PCNX2: variants seen among roughly 807,000 people sequenced by gnomAD.
PCNX2 encodes the protein pecanex-like protein 2.
Under a neutral mutation model 223.8 loss-of-function variants are expected in PCNX2, and 168 were observed. The ratio of observed to expected loss-of-function variants is 0.75; its 90% CI spans 0.66 to 0.85. PCNX2 has a LOEUF of 0.85. Ranked by LOEUF, PCNX2 falls within the 40% of genes least tolerant of loss-of-function variation. PCNX2 has a pLI of 0.00. For synonymous variants in PCNX2, 1,006 were observed against 1,052.6 expected (o/e 0.96, Z 0.86); for missense variants, 2,507 against 2,675.5 (o/e 0.94, Z 1.39).
intron 25 of PCNX2, among the ~76,000 whole-genome samples, chr1:233,038,460 C>G (rs1005526421): frequency 6.6e-6 from 1 of 152,126 alleles, no homozygotes; most frequent in African/African-American, 2.4e-5. Context: ...TATGCAGATC[C>G]TGTTCACGTT....
intron 19 of PCNX2, among the ~76,000 whole-genome samples, chr1:233,144,337 TCAGTCAGGTAACTTTTTAAGTTTACTC>T (rs1370282144): frequency 6.6e-6 from 1 of 152,174 alleles, no homozygotes; most frequent in South Asian, 2.1e-4. Context: ...TAAGTTTACT[TCAGTCAGGTAACTTTTTAAGTTTACTC>T]CAGTCATCAA....
chr1:233,021,107 C>G (rs904245683), intron 26 of PCNX2, among the ~76,000 whole-genome samples: 1 of 152,108 alleles, frequency 6.6e-6, no homozygotes, highest in Non-Finnish European at 1.5e-5. Context: ...CCTGAAATTT[C>G]CCTTAACTAG....
rs752241882 is a variant in PCNX2, at chr1:233,208,640, A to G, written c.2741T>C (p.Leu914Pro). Residue 914 changes from leucine (L) to proline (P), a missense_variant, in exon 13 of 34, where the codon CTG (leucine) becomes CCG (proline). Coordinates refer to ENST00000258229, the MANE Select transcript of PCNX2 (RefSeq NM_014801.4). ...ATCAAGAAGCAAAATAAGGCCACAC[A>G]GCACACAAAAATAGATTGGTCTGCT... ...TYSRPIYFCV[L>P]CGLILLLDTG... The G allele has an allele frequency of 6.2e-7, 1 of 1,613,832 alleles. No homozygotes were observed.
chr1:233,014,317 A>C (rs975072263), intron 28 of PCNX2, among the ~76,000 whole-genome samples: 40 of 152,148 alleles, frequency 2.6e-4, no homozygotes, highest in African/African-American at 8.9e-4. Context: ...GGGACCTAAC[A>C]CTGAGCAGCA....
chr1:233,322,431 G>A, the PCNX2 span, among the ~76,000 whole-genome samples: 4 of 152,094 alleles, frequency 2.6e-5, no homozygotes, highest in African/African-American at 7.2e-5. Flanking sequence ...GGATAATCAA[G>A]CACAAGACAG....
chr1:233,268,370 G>A lies in PCNX2; in HGVS notation c.154-5207C>T, dbSNP rs1660457992. Among the ~76,000 whole-genome samples, 4 of 152,288 alleles carry A rather than the reference G, an allele frequency of 2.6e-5. No homozygotes were observed. In the South Asian group the frequency reaches 6.2e-4, roughly 24 times the overall value. ...CTGGCTGAGTGAGGATTAGCTATAA[G>A]TAATGCCCATGCCCAGTGAGAATCA... On this transcript the variant is annotated intron_variant, in intron 1 of 33. Transcript: ENST00000258229.
At chr1:233,122,745 A>C (rs1675876522) in intron 21 of PCNX2, among the ~76,000 whole-genome samples, 1 of 151,070 alleles carries the variant, frequency 6.6e-6, no homozygotes, top group South Asian at 2.1e-4. Context: ...CCGGTCTTGA[A>C]CTCCTGACCT....
chr1:233,036,424 G>A (rs2102851403), intron 25 of PCNX2, among the ~76,000 whole-genome samples: 1 of 152,284 alleles, frequency 6.6e-6, no homozygotes, highest in Non-Finnish European at 1.5e-5. Context: ...GAGGTCAGGA[G>A]TTCAAGACCA....
chr1:233,070,087 C>T (rs1672786796), intron 23 of PCNX2, among the ~76,000 whole-genome samples: 1 of 152,116 alleles, frequency 6.6e-6, no homozygotes, highest in Non-Finnish European at 1.5e-5. Context: ...AATAATTTTA[C>T]ATGCATGAAT....
At chr1:233,227,576 C>T (rs1402853123) in intron 9 of PCNX2, among the ~76,000 whole-genome samples, 1 of 152,060 alleles carries the variant, frequency 6.6e-6, no homozygotes, top group African/African-American at 2.4e-5. Flanking sequence ...TAATGATCAA[C>T]AAAAAGCGCT....
At chr1:233,085,416 T>C (rs114707486) in intron 23 of PCNX2, among the ~76,000 whole-genome samples, 1,626 of 151,976 alleles carry the variant, frequency 0.011, 19 homozygotes, top group African/African-American at 0.037. Flanking sequence ...AAGTTCAGAA[T>C]TGAAGGTATA....
At chr1:233,297,240 G>A (rs1662175512), upstream of PCNX2, among the ~76,000 whole-genome samples, 2 of 152,320 alleles carry the variant, frequency 1.3e-5, no homozygotes, top group African/African-American at 4.8e-5. Context: ...TTGTGTCCTT[G>A]TTCACTTGTC....
chr1:233,073,492 C>T (rs1015444781), intron 23 of PCNX2, among the ~76,000 whole-genome samples: 3 of 152,032 alleles, frequency 2.0e-5, no homozygotes, highest in Non-Finnish European at 4.4e-5. Flanking sequence ...GAGAAGAGGT[C>T]TCACTATGTT....
At chr1:233,230,408 A>G (rs1657994819) in intron 9 of PCNX2, among the ~76,000 whole-genome samples, 1 of 152,066 alleles carries the variant, frequency 6.6e-6, no homozygotes, top group South Asian at 2.1e-4. Flanking sequence ...CTAAATAATG[A>G]AAAAAAATGA....
rs2102781836 is a variant in PCNX2, at chr1:232,991,097, C to T, written c.5792-4557G>A. Among the ~76,000 whole-genome samples the T allele has an allele frequency of 6.6e-6, 1 of 152,310 alleles. No homozygotes were observed. Among genetic ancestry groups the T allele is most frequent in the South Asian group, 2.1e-4 (1 of 4,828 alleles). ...GGCAGTGAGCAGCTCATGGGAAATT[C>T]TGACCACAGACAAGGCACATGCATC... On this transcript the variant is annotated intron_variant, in intron 32 of 33. Coordinates refer to ENST00000258229, the MANE Select transcript of PCNX2 (RefSeq NM_014801.4). The surrounding 1 kb of genome is among the most constrained non-coding windows in gnomAD (Gnocchi z 4.3).
Position 233,099,775 on chromosome 1 carries a change from A to G in PCNX2, c.3838-3912T>C, listed in dbSNP as rs1463492225. ...TATATGAAGAGGGACCTCCTGCACC[A>G]CACTGGCCATTGTGTATAAAATAAT... On this transcript the variant is annotated intron_variant, in intron 21 of 33. Coordinates refer to ENST00000258229, the MANE Select transcript of PCNX2 (RefSeq NM_014801.4). Among the ~76,000 whole-genome samples, 4 of 152,346 alleles carry G rather than the reference A, an allele frequency of 2.6e-5. No individual in the cohort carries two copies. In the South Asian group the frequency reaches 8.3e-4, roughly 32 times the overall value.
intron 15 of PCNX2, chr1:233,180,899 C>T (rs1027146856): frequency 7.9e-5 from 12 of 152,190 alleles, no homozygotes; most frequent in African/African-American, 2.7e-4. Flanking sequence ...TCAGCTTCCC[C>T]GAGGGTGGGG....
chr1:233,197,539 A>C (rs758415059), intron 15 of PCNX2, among the ~76,000 whole-genome samples: 4 of 152,244 alleles, frequency 2.6e-5, no homozygotes, highest in Non-Finnish European at 5.9e-5. Flanking sequence ...TCTACATGAC[A>C]GGATAAATGT....
At chr1:233,128,093 G>A (rs1206086544) in intron 21 of PCNX2, among the ~76,000 whole-genome samples, 2 of 152,220 alleles carry the variant, frequency 1.3e-5, no homozygotes, top group African/African-American at 2.4e-5. Context: ...CACACATCAC[G>A]GTTCTGGTGC....
Sources: gnomAD v4.1 joint callset for allele counts (sites outside exome capture counted in the v4.1 genomes callset) on GRCh38, gnomAD v4.1.1 for gene constraint, Gnocchi (gnomAD v3.1) non-coding constraint, MANE v1.5 for transcripts, NCBI Gene and HGNC (gene_info 2026-07-23, HGNC 2026-07-21) for gene names.